NPAS3: variants seen among roughly 807,000 people sequenced by gnomAD.
NPAS3 encodes the protein neuronal PAS domain-containing protein 3.
NPAS3 carries 14 observed loss-of-function variants against 73.1 expected under a neutral mutation model. That is an observed-to-expected ratio of 0.19 (90% CI 0.13 to 0.30). The LOEUF is 0.30. Among genes scored for constraint, NPAS3 ranks in the 10% least tolerant of loss-of-function variants. NPAS3 has a pLI of 1.00. For synonymous variants in NPAS3, 620 were observed against 541.5 expected, an observed-to-expected ratio of 1.14 and a Z score of -2.01; for missense variants, 1,096 against 1,250.0, an observed-to-expected ratio of 0.88 and a Z score of 1.86.
intron 7 of NPAS3, among the ~76,000 whole-genome samples, chr14:33,735,694 C>A (rs1178471147): frequency 6.6e-6 from 1 of 152,058 alleles, no homozygotes; most frequent in African/African-American, 2.4e-5. Flanking sequence ...TTCCACTTCT[C>A]TCGCTTTCCC....
intron 4 of NPAS3, among the ~76,000 whole-genome samples, chr14:33,391,186 T>C (rs1343190023): frequency 2.2e-5 from 3 of 134,850 alleles, no homozygotes; most frequent in Admixed American, 7.2e-5. Flanking sequence ...TTGGCCCATA[T>C]CTTTTTTTTT....
rs1193854353 is a variant in NPAS3 at position 32,962,963 on chromosome 14, C to T, written c.50+23597C>T. On this transcript the variant is annotated intron_variant, in intron 1 of 11. Coordinates refer to ENST00000356141, the Ensembl canonical transcript of NPAS3. ...CTCCTGGGTTCAAGTGATCCTTTTGCCTCAGCTGCCTAACCACAATTTTAA... is the reference window on the plus strand; with the variant it reads ...CTCCTGGGTTCAAGTGATCCTTTTGTCTCAGCTGCCTAACCACAATTTTAA... 2.0e-5 allele frequency among the ~76,000 whole-genome samples: 3 copies of T among 150,448 alleles called. No individual in the cohort carries two copies. The East Asian group carries it at 5.8e-4, about 29-fold the overall frequency.
intron 4 of NPAS3, among the ~76,000 whole-genome samples, chr14:33,545,737 C>T (rs1190193607): frequency 6.6e-6 from 1 of 152,172 alleles, no homozygotes; most frequent in African/African-American, 2.4e-5. Context: ...ATTTTAGAGT[C>T]CCTCTGAATC....
intron 4 of NPAS3, among the ~76,000 whole-genome samples, chr14:33,501,407 A>T (rs1292614390): frequency 2.6e-5 from 4 of 151,876 alleles, no homozygotes; most frequent in African/African-American, 9.7e-5. Context: ...CAAATCTGTT[A>T]TTCTCCTTAA....
chr14:33,311,522 G>A (rs1467140915), intron 3 of NPAS3, among the ~76,000 whole-genome samples: 1 of 151,922 alleles, frequency 6.6e-6, no homozygotes, highest in African/African-American at 2.4e-5. Context: ...CTGAACTTGT[G>A]TCATCTGGAT....
chr14:33,508,871 T>TCTCA lies in NPAS3; in HGVS notation c.469-51248_469-51245dup, dbSNP rs536125994. ...GGGAATGACCAGACTTTGACATCAC[T>TCTCA]CTCACCCCTGAGCCTTCATCCCCTG... is the stretch of plus-strand genomic sequence containing the variant. On this transcript the variant is annotated intron_variant, in intron 4 of 11. Coordinates refer to ENST00000356141, the Ensembl canonical transcript of NPAS3. Among the ~76,000 whole-genome samples, 234 of 152,070 alleles carry TCTCA rather than the reference T, an allele frequency of 1.5e-3. 1 individual carries two copies. Among genetic ancestry groups the TCTCA allele is most frequent in the African/African-American group, 5.5e-3 (229 of 41,522 alleles).
At chr14:33,076,858 C>G (rs897319698) in intron 2 of NPAS3, among the ~76,000 whole-genome samples, 1 of 152,138 alleles carries the variant, frequency 6.6e-6, no homozygotes, top group African/African-American at 2.4e-5. Flanking sequence ...TTTTTAATGT[C>G]TATAACTTTA....
At chr14:32,954,951 A>G (rs2036616141) in intron 1 of NPAS3, among the ~76,000 whole-genome samples, 1 of 152,196 alleles carries the variant, frequency 6.6e-6, no homozygotes, top group African/African-American at 2.4e-5. Flanking sequence ...TATTTCCTGC[A>G]TAATTTATAC....
At chr14:33,144,232 A>G (rs1372195448) in intron 2 of NPAS3, among the ~76,000 whole-genome samples, 1 of 152,192 alleles carries the variant, frequency 6.6e-6, no homozygotes, top group Non-Finnish European at 1.5e-5. Context: ...GTTTTTAACA[A>G]ATAAAAAAAC....
intron 3 of NPAS3, among the ~76,000 whole-genome samples, chr14:33,302,111 A>T (rs2042574876): frequency 6.6e-6 from 1 of 152,230 alleles, no homozygotes; most frequent in Non-Finnish European, 1.5e-5. Flanking sequence ...AAATGAATTG[A>T]TGAATAATGA....
intron 2 of NPAS3, among the ~76,000 whole-genome samples, chr14:33,088,723 C>T (rs1348010748): frequency 6.6e-6 from 1 of 152,206 alleles, no homozygotes; most frequent in Non-Finnish European, 1.5e-5. Flanking sequence ...AGACAGACTG[C>T]CTCCTCAAGT....
At chr14:33,029,995 T>A (rs1017388631) in intron 1 of NPAS3, among the ~76,000 whole-genome samples, 8 of 152,248 alleles carry the variant, frequency 5.3e-5, no homozygotes. Context: ...TGGTCTTAAC[T>A]GTCTCAGTGA....
chr14:33,412,781 G>A (rs2047985655), intron 4 of NPAS3, among the ~76,000 whole-genome samples: 1 of 152,136 alleles, frequency 6.6e-6, no homozygotes, highest in Non-Finnish European at 1.5e-5. Context: ...ATACAGTCAT[G>A]AGCATTAAAT....
intron 2 of NPAS3, among the ~76,000 whole-genome samples, chr14:33,063,378 A>G (rs925028175): frequency 3.9e-5 from 6 of 152,348 alleles, no homozygotes; most frequent in Admixed American, 3.3e-4. Flanking sequence ...CTCAAGGTTA[A>G]GAAGGCAGGA....
intron 2 of NPAS3, among the ~76,000 whole-genome samples, chr14:33,057,910 G>C (rs1464046111): frequency 1.3e-5 from 2 of 152,098 alleles, no homozygotes; most frequent in Admixed American, 6.5e-5. Flanking sequence ...ACATTTAATA[G>C]CACCTATAAA....
intron 1 of NPAS3, among the ~76,000 whole-genome samples, chr14:33,055,244 T>C (rs2040847621): frequency 6.6e-6 from 1 of 152,226 alleles, no homozygotes; most frequent in Non-Finnish European, 1.5e-5. Flanking sequence ...GTAACACAGA[T>C]GAAAATTGTG....
At chr14:33,735,165 G>T (rs1339859299) in intron 6 of NPAS3, 49 bp from the exon 7 acceptor site, 2 of 1,305,664 alleles carry the variant, frequency 1.5e-6, no homozygotes, top group Non-Finnish European at 2.2e-6. Flanking sequence ...GCTGTGAGGG[G>T]CTGTGTCAAG....
chr14:33,151,702 T>C (rs1314397582), intron 2 of NPAS3, among the ~76,000 whole-genome samples: 2 of 152,234 alleles, frequency 1.3e-5, no homozygotes, highest in African/African-American at 4.8e-5. Flanking sequence ...TTTATATGCA[T>C]GGGAGCATAT....
intron 3 of NPAS3, among the ~76,000 whole-genome samples, chr14:33,331,358 G>A (rs1474125723): frequency 6.6e-6 from 1 of 152,082 alleles, no homozygotes; most frequent in Admixed American, 6.6e-5. Context: ...TTTTTGTGTG[G>A]AAGATAATTG....
Sources: gnomAD v4.1 joint callset for allele counts (sites outside exome capture counted in the v4.1 genomes callset) on GRCh38, gnomAD v4.1.1 for gene constraint, MANE v1.5 for transcripts, NCBI Gene and HGNC (gene_info 2026-07-23, HGNC 2026-07-21) for gene names.